Variants in SYT7 observed in about 807,000 individuals in gnomAD.
SYT7 encodes the protein synaptotagmin-7.
Under a neutral mutation model 75.1 loss-of-function variants are expected in SYT7, and 29 were observed. The ratio of observed to expected loss-of-function variants is 0.39; its 90% CI spans 0.29 to 0.53. The LOEUF (loss-of-function observed/expected upper bound fraction) is 0.53, where lower values mean the gene tolerates loss of function less well. Ranked by LOEUF, SYT7 falls within the 20% of genes least tolerant of loss-of-function variation. The pLI is 0.77. For synonymous variants in SYT7, 376 were observed against 401.7 expected, an observed-to-expected ratio of 0.94 and a Z score of 0.76; for missense variants, 693 against 953.2, an observed-to-expected ratio of 0.73 and a Z score of 3.59.
chr11:61,536,735 AG>A (rs2062880979), intron 7 of SYT7, among the ~76,000 whole-genome samples: 3 of 152,290 alleles, frequency 2.0e-5, no homozygotes, highest in African/African-American at 7.2e-5. Flanking sequence ...AGAAACTGGG[AG>A]GGGTGGTCTC....
chr11:61,555,921 T>C (rs2063489557), intron 2 of SYT7, among the ~76,000 whole-genome samples, 183 bp downstream of exon 2: 1 of 152,168 alleles, frequency 6.6e-6, no homozygotes, highest in Non-Finnish European at 1.5e-5. Context: ...AGGGTGTGCA[T>C]GCATGCATGC....
At chr11:61,549,475 G>A (rs576611655) in intron 3 of SYT7, among the ~76,000 whole-genome samples, 2 of 152,324 alleles carry the variant, frequency 1.3e-5, no homozygotes, top group Admixed American at 6.5e-5. Flanking sequence ...GGGCCCTGAC[G>A]AACACAGTTT....
intron 1 of SYT7, among the ~76,000 whole-genome samples, chr11:61,565,572 G>A (rs1718781290): frequency 6.6e-6 from 1 of 152,180 alleles, no homozygotes; most frequent in African/African-American, 2.4e-5. Flanking sequence ...TCTTGCAAGA[G>A]GAAAAACAAA....
In SYT7 at chr11:61,564,480, T is replaced by G. The variant is rs575823258; in HGVS notation, c.32-8273A>C. On this transcript the variant is annotated intron_variant, in intron 1 of 12. Coordinates refer to ENST00000539008, the MANE Select transcript of SYT7 (RefSeq NM_001365809.2). ...TCAGCACCCCTCTGAGGGTAAATAC[T>G]CTTATGCCCATTTTACAAAGAAGGA... is the stretch of plus-strand genomic sequence containing the variant. 2.0e-5 allele frequency among the ~76,000 whole-genome samples: 3 copies of G among 152,298 alleles called. No homozygotes were observed. In the South Asian group the frequency reaches 6.2e-4, roughly 32 times the overall value.
rs1009113894 is a variant in SYT7, at chr11:61,546,116, C to T, written c.487G>A (p.Glu163Lys). The change falls in exon 5 of 13, where the codon GAG (glutamate) becomes AAG (lysine). Residue 163 changes from glutamate (E) to lysine (K), a missense_variant. This residue lies in a region of SYT7 where 487 missense variants were observed against 593.2 expected (regional missense o/e 0.82). Transcript: ENST00000539008. The surrounding 1 kb of genome is among the most constrained non-coding windows in gnomAD (Gnocchi z 7.6). ...ALRSGGAAPS[E>K]PGSGGKAGRG... is the part of the protein sequence containing the mutation. Reference sequence around the variant, plus strand: ...CCCGCCTTGCCACCGCTGCCCGGCTCGCTGGGGGCAGCCCCGCCGCTTCTC... The same window carrying T: ...CCCGCCTTGCCACCGCTGCCCGGCTTGCTGGGGGCAGCCCCGCCGCTTCTC... The T allele has an allele frequency of 6.1e-5, 94 of 1,530,226 alleles. No homozygotes were observed. The African/African-American group carries it at 9.2e-4, about 15-fold the overall frequency. The allele number at this position is 1,530,226 out of a possible 1,614,324, so 94.8% of individuals were successfully genotyped here.
chr11:61,540,996 G>A, intron 6 of SYT7: 2 of 985,552 alleles, frequency 2.0e-6, no homozygotes, highest in Non-Finnish European at 2.4e-6. Flanking sequence ...AAGAGTCACA[G>A]GCAGCATGTC....
In SYT7 at chr11:61,517,624, G is replaced by GT. The variant is rs1358792877; in HGVS notation, c.*1002dup. 7.5e-6 allele frequency: 3 copies of GT among 398,886 alleles called. No individual in the cohort carries two copies. The highest frequency in any genetic ancestry group is 6.2e-5 in the African/African-American group (3 of 48,600). 24.7% of individuals were successfully genotyped at this position (398,886 alleles called of 1,614,324 possible). A position where few individuals can be genotyped will look rare whatever the true frequency, so the allele number is the denominator to read the frequency against. On this transcript the variant is annotated 3_prime_UTR_variant, in exon 13 of 13. Transcript: ENST00000539008. ...TGGAGAATAGGGCAGATGTGGCTGCGTATGAGGTGTGGGAAGCTGGCGGGG... is the reference window on the plus strand; with the variant it reads ...TGGAGAATAGGGCAGATGTGGCTGCGTTATGAGGTGTGGGAAGCTGGCGGGG...
At chr11:61,556,746 TC>T (rs1306283924) in intron 1 of SYT7, among the ~76,000 whole-genome samples, 1 of 152,176 alleles carries the variant, frequency 6.6e-6, no homozygotes, top group Non-Finnish European at 1.5e-5. Context: ...TCGTCTTGCT[TC>T]CCAAGACTCA....
chr11:61,547,093 C>A, intron 4 of SYT7, 84 bp downstream of exon 4: 1 of 1,464,024 alleles, frequency 6.8e-7, no homozygotes, highest in South Asian at 1.3e-5. Context: ...TGAGCGGGTC[C>A]AGAGGTGGGT....
At chr11:61,541,096 A>G in intron 6 of SYT7, 1 of 985,500 alleles carries the variant, frequency 1.0e-6, no homozygotes, top group Non-Finnish European at 1.2e-6. Flanking sequence ...CAGTGCTCCC[A>G]TCTGCCCGGG....
intron 12 of SYT7, 45 bp from the exon 13 acceptor site, chr11:61,518,776 C>A: frequency 7.2e-7 from 1 of 1,393,392 alleles, no homozygotes; most frequent in Non-Finnish European, 9.7e-7. Flanking sequence ...GGCTCCAGGG[C>A]ACTGGCCCTT....
intron 2 of SYT7, 52 bp downstream of exon 2, chr11:61,556,052 G>C: frequency 1.4e-6 from 2 of 1,467,794 alleles, no homozygotes; most frequent in Non-Finnish European, 1.9e-6. Context: ...GGGGAGGGGG[G>C]GCAGTGTGCA....
chr11:61,573,718 C>G (rs547081505), intron 1 of SYT7, among the ~76,000 whole-genome samples: 1 of 152,344 alleles, frequency 6.6e-6, no homozygotes, highest in East Asian at 1.9e-4. Context: ...TGCTCAAGCA[C>G]TCCCTGCTGC....
chr11:61,542,690 T>G lies in SYT7; in HGVS notation c.573-111A>C. 1.4e-6 allele frequency: 2 copies of G among 1,386,294 alleles called. No homozygotes were observed. The highest frequency in any genetic ancestry group is 1.9e-6 in the Non-Finnish European group (2 of 1,075,774). 85.9% of individuals were successfully genotyped at this position (1,386,294 alleles called of 1,614,324 possible). On this transcript the variant is annotated intron_variant, in intron 5 of 12. Coordinates refer to ENST00000539008, the MANE Select transcript of SYT7 (RefSeq NM_001365809.2). This position sits in a 1 kb window ranked among gnomAD's most constrained non-coding sequence, Gnocchi z 7.8. ...GGAGGCCCCAGTGCAGGGTGCGCGC[T>G]GCCGGACCTCGCCAGGCCTCCATCG...
chr11:61,547,134 C>A, intron 4 of SYT7, 43 bp downstream of exon 4: 1 of 1,530,102 alleles, frequency 6.5e-7, no homozygotes, highest in Non-Finnish European at 8.7e-7. Flanking sequence ...AGGGCGTGCG[C>A]GGATACTCGG....
Position 61,538,163 on chromosome 11 carries a change from T to C in SYT7, c.1045A>G (p.Asn349Asp). 6.5e-7 allele frequency: 1 copy of C among 1,536,054 alleles called. No individual in the cohort carries two copies. Among genetic ancestry groups the C allele is most frequent in the African/African-American group, 1.4e-5 (1 of 73,154 alleles). Residue 349 changes from asparagine to aspartate, a missense_variant, in exon 7 of 13, where the codon AAC becomes GAC. Asn to Asp is a conservative substitution (Grantham distance 23). Transcript: ENST00000539008. Reference protein sequence around the residue: ...LQNPGTQQNQNAQGDKRLPAG... With the variant: ...LQNPGTQQNQDAQGDKRLPAG... ...TCGTACCTCTTGTCCCCCTGAGCGT[T>C]CTGGTTCTGCTGGGTTCCTGGGTTT...
At chr11:61,569,171 T>C (rs2063852927) in intron 1 of SYT7, among the ~76,000 whole-genome samples, 1 of 152,138 alleles carries the variant, frequency 6.6e-6, no homozygotes, top group African/African-American at 2.4e-5. Context: ...TCATTCTAAA[T>C]GAATTTTTTT....
chr11:61,517,840 G>C lies in SYT7; in HGVS notation c.*787C>G. ...TGAGCAGAGGGGGGCACCAAGGGGA[G>C]AAGGGGAGGAGACGGGGGGATGGCA... On this transcript the variant is annotated 3_prime_UTR_variant, in exon 13 of 13. Coordinates refer to ENST00000539008, the MANE Select transcript of SYT7 (RefSeq NM_001365809.2). 3.7e-6 allele frequency: 1 copy of C among 267,988 alleles called. No homozygotes were observed. The allele number at this position is 267,988 out of a possible 1,614,324, so 16.6% of individuals were successfully genotyped here.
At chr11:61,586,780 G>T in the SYT7 span, among the ~76,000 whole-genome samples, 5 of 152,078 alleles carry the variant, frequency 3.3e-5, no homozygotes, top group Non-Finnish European at 7.4e-5. Context: ...TTTTGGGTGT[G>T]GGGGAAGAGG....
Sources: allele counts gnomAD v4.1 joint callset (sites outside exome capture counted in the v4.1 genomes callset), GRCh38; gene constraint gnomAD v4.1.1; regional missense constraint gnomAD v4.1.1; non-coding constraint Gnocchi (gnomAD v3.1); transcripts MANE v1.5; gene names NCBI Gene and HGNC (gene_info 2026-07-23, HGNC 2026-07-21).